Variants in SETD7 observed in about 807,000 individuals in gnomAD.
SETD7 encodes the protein SET domain containing 7, histone lysine methyltransferase.
A neutral mutation model predicts 41.8 loss-of-function variants in SETD7; 16 were observed. The observed-to-expected ratio is 0.38, with a 90% confidence interval of 0.26 to 0.58. The LOEUF is 0.58. SETD7 is among the 20% of genes least tolerant of loss of function. The pLI, the probability that SETD7 is intolerant of heterozygous loss-of-function variation, is 0.64. For missense variants in SETD7, 346 were observed against 459.7 expected, an observed-to-expected ratio of 0.75 and a Z score of 2.26; for synonymous variants, 163 against 169.7, an observed-to-expected ratio of 0.96 and a Z score of 0.31.
At chr4:139,498,349 C>G (rs1726505753) in intron 7 of SETD7, among the ~76,000 whole-genome samples, 1 of 152,118 alleles carries the variant, frequency 6.6e-6, no homozygotes, top group Non-Finnish European at 1.5e-5. Flanking sequence ...CACCATTACC[C>G]CAGGGTCAGG....
chr4:139,511,741 G>A lies in SETD7; in HGVS notation c.1023C>T (p.Pro341=), dbSNP rs546139141. The A allele has an allele frequency of 1.4e-5, 22 of 1,614,158 alleles. No homozygotes were observed. In the East Asian group the frequency reaches 3.3e-4, roughly 25 times the overall value. The change falls in exon 8 of 8, where the codon CCC becomes CCT. Residue 341 remains proline, a synonymous_variant. Coordinates refer to ENST00000274031, the MANE Select transcript of SETD7 (RefSeq NM_030648.4). ...GGGCTTCAGGCCCACTCTTCCCGGG[G>A]GGGCTGTGGTCATAGCCATAGGCAA... ...LTVAYGYDHS[P]PGKSGPEAPE...
At chr4:139,534,570 T>A (rs1281946294) in intron 2 of SETD7, among the ~76,000 whole-genome samples, 2 of 152,040 alleles carry the variant, frequency 1.3e-5, no homozygotes, top group Non-Finnish European at 2.9e-5. Flanking sequence ...TGTTTTTTTT[T>A]GTAGAGATGA....
At position 139,533,808 on chromosome 4, in the gene SETD7, T is replaced by C. The variant is rs1248132370; in HGVS notation, c.171-442A>G. ...GCTTGTATATAGTAATCTCTAATGA[T>C]AGAAATGTGGCTTAAAGTGTGTGAA... On this transcript the variant is annotated intron_variant, in intron 2 of 7. Coordinates refer to ENST00000274031, the MANE Select transcript of SETD7 (RefSeq NM_030648.4). Among the ~76,000 whole-genome samples the C allele has an allele frequency of 3.9e-5, 6 of 152,318 alleles. No individual in the cohort carries two copies. In the East Asian group the frequency reaches 1.2e-3, roughly 29 times the overall value.
intron 7 of SETD7, among the ~76,000 whole-genome samples, chr4:139,498,726 C>G (rs1330955782): frequency 6.6e-6 from 1 of 152,174 alleles, no homozygotes; most frequent in Non-Finnish European, 1.5e-5. Flanking sequence ...CCTATAGACC[C>G]CAAGGCAGAT....
chr4:139,500,293 C>T (rs1231256609), intron 7 of SETD7, among the ~76,000 whole-genome samples: 3 of 152,150 alleles, frequency 2.0e-5, no homozygotes, highest in Non-Finnish European at 4.4e-5. Context: ...TCCTGCCCAC[C>T]ATCATCATGA....
downstream of SETD7, among the ~76,000 whole-genome samples, chr4:139,504,799 A>G (rs1318213588): frequency 2.6e-5 from 4 of 152,164 alleles, no homozygotes; most frequent in Non-Finnish European, 5.9e-5. Context: ...ATTCTACAAC[A>G]TTTGGGCCCA....
At chr4:139,554,479 A>T (rs1383510751) in intron 1 of SETD7, among the ~76,000 whole-genome samples, 1 of 152,248 alleles carries the variant, frequency 6.6e-6, no homozygotes, top group Non-Finnish European at 1.5e-5. Flanking sequence ...GCAAGCCCTA[A>T]CAATCTGAGA....
chr4:139,499,507 C>T (rs555584263), intron 7 of SETD7, among the ~76,000 whole-genome samples: 26 of 152,282 alleles, frequency 1.7e-4, no homozygotes, highest in African/African-American at 6.0e-4. Context: ...AGATATTTTT[C>T]AGATTTAGCA....
intron 2 of SETD7, among the ~76,000 whole-genome samples, chr4:139,536,210 A>T (rs1244355248): frequency 6.6e-6 from 1 of 152,078 alleles, no homozygotes; most frequent in Non-Finnish European, 1.5e-5. Context: ...TCGAAAGTTT[A>T]CTCACTGACC....
intron 4 of SETD7, among the ~76,000 whole-genome samples, chr4:139,525,015 C>A (rs896106264): frequency 5.5e-4 from 84 of 152,274 alleles, no homozygotes; most frequent in African/African-American, 2.0e-3. Flanking sequence ...TGGGGTTTCG[C>A]CCTGTTGGCC....
chr4:139,494,412 T>C (rs746347239), downstream of SETD7, among the ~76,000 whole-genome samples: 1 of 152,192 alleles, frequency 6.6e-6, no homozygotes, highest in Non-Finnish European at 1.5e-5. Flanking sequence ...TGAGCAATTA[T>C]TATGACTAAA....
rs1301245877 is a variant in SETD7, at chr4:139,507,975, A to G, written c.*3688T>C. 1 of 152,270 alleles carries G rather than the reference A, an allele frequency of 6.6e-6. No homozygotes were observed. Among genetic ancestry groups the G allele is most frequent in the African/African-American group, 2.4e-5 (1 of 41,468 alleles). The allele number at this position is 152,270 out of a possible 1,614,324, so 9.4% of individuals were successfully genotyped here. ...TGAGGCAACTGTTTTAAAACAAAGC[A>G]AAACAGAAAATGATACCTCTACCTT... On this transcript the variant is annotated 3_prime_UTR_variant, in exon 8 of 8. Coordinates refer to ENST00000274031, the MANE Select transcript of SETD7 (RefSeq NM_030648.4).
intron 5 of SETD7, among the ~76,000 whole-genome samples, chr4:139,522,741 C>CTTTTTTTTTT (rs11357611): frequency 1.5e-4 from 14 of 93,448 alleles, no homozygotes; most frequent in African/African-American, 3.1e-4. Context: ...CCCAGCTGCT[C>CTTTTTTTTTT]TTTTTTTTTT....
At position 139,511,659 on chromosome 4, in the gene SETD7, C is replaced by T; in HGVS notation, c.*4G>A. The T allele has an allele frequency of 6.2e-7, 1 of 1,613,712 alleles. No individual in the cohort carries two copies. The highest frequency in any genetic ancestry group is 1.3e-5 in the African/African-American group (1 of 75,006). ...CAGGTCTCTGAACCCCAAAGCCAGG[C>T]CTTTCACTTTTGCTGGGTGGCCTGG... On this transcript the variant is annotated 3_prime_UTR_variant, in exon 8 of 8. Transcript: ENST00000274031.
At position 139,553,512 on chromosome 4, in the gene SETD7, C is replaced by G. The variant is rs1239393263; in HGVS notation, c.40+2586G>C. Among the ~76,000 whole-genome samples, 8 of 152,296 alleles carry G rather than the reference C, an allele frequency of 5.3e-5. No homozygotes were observed. The East Asian group carries it at 1.4e-3, about 26-fold the overall frequency. On this transcript the variant is annotated intron_variant, in intron 1 of 7. Coordinates refer to ENST00000274031, the MANE Select transcript of SETD7 (RefSeq NM_030648.4). ...ATTAAAAATAAAAAATGTAGGAAGA[C>G]AGTTTGGTCTGGTGGAGGGCTGTTT...
At chr4:139,518,162 C>G (rs115955837) in intron 6 of SETD7, 120 bp from the exon 7 acceptor site, 3 of 1,109,000 alleles carry the variant, frequency 2.7e-6, no homozygotes, top group Admixed American at 6.1e-5. Flanking sequence ...GGGTCTCACT[C>G]TGTCACCTAG....
At chr4:139,544,770 C>T (rs1304096020) in intron 2 of SETD7, among the ~76,000 whole-genome samples, 1 of 150,968 alleles carries the variant, frequency 6.6e-6, no homozygotes, top group Non-Finnish European at 1.5e-5. Flanking sequence ...CAGTTACTGG[C>T]TATCATCATC....
At chr4:139,518,101 C>T (rs1727080007) in intron 6 of SETD7, 59 bp from the exon 7 acceptor site, 3 of 1,513,864 alleles carry the variant, frequency 2.0e-6, no homozygotes, top group Non-Finnish European at 2.7e-6. Flanking sequence ...GGTCAAAGGA[C>T]ATCAGAGATA....
downstream of SETD7, among the ~76,000 whole-genome samples, chr4:139,501,208 T>C (rs1020022830): frequency 1.3e-5 from 2 of 152,196 alleles, no homozygotes; most frequent in Admixed American, 6.5e-5. Flanking sequence ...AAGGATTTTG[T>C]TTTTATTCAC....
Sources: allele counts gnomAD v4.1 joint callset (sites outside exome capture counted in the v4.1 genomes callset), GRCh38; gene constraint gnomAD v4.1.1; transcripts MANE v1.5; gene names NCBI Gene and HGNC (gene_info 2026-07-23, HGNC 2026-07-21).